Variants in OXSR1 observed in about 807,000 individuals in gnomAD.
The protein encoded by OXSR1 is serine/threonine-protein kinase OSR1.
A neutral mutation model predicts 79.8 loss-of-function variants in OXSR1; 24 were observed. That is an observed-to-expected ratio of 0.30 (90% CI 0.22 to 0.42). OXSR1 has a LOEUF of 0.42. Among genes scored for constraint, OXSR1 ranks in the 10% least tolerant of loss-of-function variants. OXSR1 has a pLI of 1.00. For missense variants in OXSR1, 430 were observed against 618.4 expected (o/e 0.70, Z 3.23); for synonymous variants, 226 against 209.2 (o/e 1.08, Z -0.69).
At chr3:38,243,729 A>T (rs879683428) in intron 12 of OXSR1, among the ~76,000 whole-genome samples, 1 of 152,222 alleles carries the variant, frequency 6.6e-6, no homozygotes, top group Non-Finnish European at 1.5e-5. Context: ...ACATTTGTTT[A>T]CATAGAACTG....
intron 15 of OXSR1, among the ~76,000 whole-genome samples, chr3:38,250,848 C>G (rs1703242149): frequency 6.6e-6 from 1 of 152,132 alleles, no homozygotes; most frequent in Non-Finnish European, 1.5e-5. Flanking sequence ...CTGAGGGGCT[C>G]ATTTTCAAGC....
At chr3:38,203,407 CT>C (rs981719377) in intron 4 of OXSR1, among the ~76,000 whole-genome samples, 1 of 152,132 alleles carries the variant, frequency 6.6e-6, no homozygotes, top group African/African-American at 2.4e-5. Context: ...GCTGTTTTCT[CT>C]TTATCTCTTT....
intron 1 of OXSR1, among the ~76,000 whole-genome samples, chr3:38,171,908 ATCCTGACAT>A (rs1212882212): frequency 6.6e-6 from 1 of 152,200 alleles, no homozygotes; most frequent in Non-Finnish European, 1.5e-5. Context: ...CCAGATTCAA[ATCCTGACAT>A]TGCCTCTTAC....
At chr3:38,186,905 G>T (rs543598593) in intron 2 of OXSR1, among the ~76,000 whole-genome samples, 1 of 152,092 alleles carries the variant, frequency 6.6e-6, no homozygotes, top group Non-Finnish European at 1.5e-5. Flanking sequence ...CAAAGTAGCC[G>T]TACCATTTTA....
rs750825010 is a variant in OXSR1 at position 38,165,960 on chromosome 3, C to T, written c.70+14C>T. On this transcript the variant is annotated intron_variant, in intron 1 of 17. Transcript: ENST00000311806. ...AGGAGGTGATCGGTGAGAGCAGGCG[C>T]TGCGGAGGGGGGAGGCGCGGCGCTG... The T allele has an allele frequency of 1.2e-5, 19 of 1,607,082 alleles. No homozygotes were observed. The highest frequency in any genetic ancestry group is 6.7e-5 in the Admixed American group (4 of 59,744).
At chr3:38,216,288 A>G (rs1702481401) in intron 5 of OXSR1, 137 bp downstream of exon 5, 1 of 598,056 alleles carries the variant, frequency 1.7e-6, no homozygotes, top group African/African-American at 1.9e-5. Context: ...GGCATGTCAT[A>G]GGATGCCACC....
chr3:38,233,371 G>A (rs1366912799), intron 10 of OXSR1, among the ~76,000 whole-genome samples: 1 of 152,118 alleles, frequency 6.6e-6, no homozygotes, highest in Non-Finnish European at 1.5e-5. Flanking sequence ...CATTGGAGGT[G>A]GGAAATGCTC....
intron 8 of OXSR1, among the ~76,000 whole-genome samples, chr3:38,226,034 C>G (rs1702681780): frequency 6.6e-6 from 1 of 152,074 alleles, no homozygotes; most frequent in African/African-American, 2.4e-5. Flanking sequence ...GGTTTAGAGT[C>G]TATACTCCCT....
intron 1 of OXSR1, among the ~76,000 whole-genome samples, chr3:38,179,969 C>T (rs557102462): frequency 7.9e-5 from 12 of 152,230 alleles, no homozygotes; most frequent in Non-Finnish European, 1.6e-4. Context: ...CCCCCATGCC[C>T]GGCTAATTTT....
At chr3:38,211,712 C>A (rs535244802) in intron 4 of OXSR1, among the ~76,000 whole-genome samples, 13 of 152,276 alleles carry the variant, frequency 8.5e-5, no homozygotes, top group African/African-American at 3.1e-4. Flanking sequence ...AAACCTGAGC[C>A]CCCTAGCCAT....
At chr3:38,216,355 T>G (rs1702482928) in intron 5 of OXSR1, among the ~76,000 whole-genome samples, 1 of 152,204 alleles carries the variant, frequency 6.6e-6, no homozygotes, top group Non-Finnish European at 1.5e-5. Flanking sequence ...GACATTTTTT[T>G]CTGACCATTA....
chr3:38,235,568 T>G (rs1392161129), intron 10 of OXSR1, among the ~76,000 whole-genome samples: 2 of 152,062 alleles, frequency 1.3e-5, no homozygotes, highest in Admixed American at 1.3e-4. Context: ...TCAGCACAAT[T>G]AATGAAAATA....
intron 4 of OXSR1, among the ~76,000 whole-genome samples, chr3:38,209,044 C>T (rs531941598): frequency 2.0e-5 from 3 of 152,056 alleles, no homozygotes; most frequent in Admixed American, 6.5e-5. Context: ...GCTTTTTTCT[C>T]CATGTTGTGA....
chr3:38,207,986 G>A (rs1702303799), intron 4 of OXSR1, among the ~76,000 whole-genome samples: 1 of 142,124 alleles, frequency 7.0e-6, no homozygotes, highest in South Asian at 2.3e-4. Flanking sequence ...CAGACATTGA[G>A]GGCCAATTAG....
chr3:38,175,793 CGTT>C (rs1679358397), intron 1 of OXSR1, among the ~76,000 whole-genome samples: 1 of 152,108 alleles, frequency 6.6e-6, no homozygotes, highest in Admixed American at 6.5e-5. Context: ...CGTAGGCTAA[CGTT>C]GGTTGCAGTT....
chr3:38,202,924 C>G (rs199403), intron 4 of OXSR1, among the ~76,000 whole-genome samples: 17,923 of 152,134 alleles, frequency 0.12, 1,302 homozygotes, highest in African/African-American at 0.2. Flanking sequence ...AGGGAGTCTC[C>G]TTTCCTTGGA....
intron 3 of OXSR1, among the ~76,000 whole-genome samples, chr3:38,191,947 C>T (rs777072379): frequency 1.2e-4 from 18 of 152,084 alleles, no homozygotes; most frequent in South Asian, 4.1e-4. Flanking sequence ...TCAACTGGGA[C>T]GCTGATTAAT....
chr3:38,198,061 T>C (rs2125819344), intron 3 of OXSR1, among the ~76,000 whole-genome samples: 1 of 152,330 alleles, frequency 6.6e-6, no homozygotes, highest in East Asian at 1.9e-4. Flanking sequence ...TTTTAATTAC[T>C]ATATAGGTGT....
intron 10 of OXSR1, among the ~76,000 whole-genome samples, chr3:38,234,496 C>G (rs1439046955): frequency 6.6e-6 from 1 of 152,140 alleles, no homozygotes; most frequent in African/African-American, 2.4e-5. Context: ...TGAAAAGATA[C>G]TCAGTATTAT....
Sources: gnomAD v4.1 joint callset for allele counts (sites outside exome capture counted in the v4.1 genomes callset) on GRCh38, gnomAD v4.1.1 for gene constraint, MANE v1.5 for transcripts, NCBI Gene and HGNC (gene_info 2026-07-23, HGNC 2026-07-21) for gene names.